The following ATP10D variants were observed in gnomAD, a reference collection of about 807,000 sequenced individuals.
The protein encoded by ATP10D is ATPase phospholipid transporting 10D (putative).
ATP10D carries 89 observed loss-of-function variants against 144.8 expected under a neutral mutation model. The observed-to-expected ratio is 0.61, with a 90% CI of 0.52 to 0.73. The LOEUF (loss-of-function observed/expected upper bound fraction) is 0.73, where lower values mean the gene tolerates loss of function less well. ATP10D is among the 30% of genes least tolerant of loss of function. The pLI, the probability that ATP10D is intolerant of heterozygous loss-of-function variation, is 0.00. For synonymous variants in ATP10D, 571 were observed against 615.1 expected (o/e 0.93, Z 1.06); for missense variants, 1,603 against 1,714.8 (o/e 0.93, Z 1.15).
chr4:47,591,307 A>G lies in ATP10D; in HGVS notation c.4207A>G (p.Thr1403Ala). ...GCAAGGAAACTTATCTCTGTGTGAAACTGCTTTAGATCAAGGCTACTCTGA... is the reference window on the plus strand; with the variant it reads ...GCAAGGAAACTTATCTCTGTGTGAAGCTGCTTTAGATCAAGGCTACTCTGA... ...IEQGNLSLCE[T>A]ALDQGYSETK... Residue 1403 changes from threonine to alanine, a missense_variant, in exon 23 of 23, where the codon ACT (threonine) becomes GCT (alanine). Transcript: ENST00000273859. The G allele has an allele frequency of 8.7e-6, 14 of 1,612,674 alleles. No homozygotes were observed. Among genetic ancestry groups the G allele is most frequent in the Non-Finnish European group, 1.2e-5 (14 of 1,178,734 alleles).
intron 1 of ATP10D, among the ~76,000 whole-genome samples, chr4:47,499,995 C>A (rs1715599603): frequency 6.6e-6 from 1 of 152,156 alleles, no homozygotes; most frequent in Non-Finnish European, 1.5e-5. Flanking sequence ...GAGCTACATA[C>A]CATGAAATGC....
chr4:47,560,970 G>C lies in ATP10D; in HGVS notation c.2563G>C (p.Ala855Pro), dbSNP rs1485783508. ...AKKVMSDTEY[A>P]EWLRNHFLAE... is the part of the protein sequence containing the mutation. ...GTAGGTCATGAGTGACACTGAATAT[G>C]CAGAGTGGCTGAGGAATCATTTTTT... The change falls in exon 14 of 23, where the codon GCA (alanine) becomes CCA (proline). Residue 855 changes from alanine to proline, a missense_variant. Ala to Pro is a conservative substitution (Grantham distance 27, BLOSUM62 -1). Coordinates refer to ENST00000273859, the MANE Select transcript of ATP10D (RefSeq NM_020453.4). The C allele has an allele frequency of 3.1e-6, 5 of 1,614,104 alleles. No individual in the cohort carries two copies. The highest frequency in any genetic ancestry group is 3.4e-6 in the Non-Finnish European group (4 of 1,179,950).
chr4:47,568,249 T>G (rs1340478426), intron 15 of ATP10D, among the ~76,000 whole-genome samples: 1 of 152,212 alleles, frequency 6.6e-6, no homozygotes, highest in African/African-American at 2.4e-5. Context: ...AATTTTCATG[T>G]TTATTGGTGT....
chr4:47,531,575 A>G (rs945221031), intron 5 of ATP10D, among the ~76,000 whole-genome samples: 1 of 152,212 alleles, frequency 6.6e-6, no homozygotes, highest in Non-Finnish European at 1.5e-5. Context: ...TGGGGTTAGT[A>G]TTAGAAAAGT....
Position 47,593,094 on chromosome 4 carries a change from T to C in ATP10D, c.*1713T>C, listed in dbSNP as rs1437375891. 6.6e-6 allele frequency: 1 copy of C among 152,046 alleles called. No individual in the cohort carries two copies. Among genetic ancestry groups the C allele is most frequent in the South Asian group, 2.1e-4 (1 of 4,828 alleles). The allele number at this position is 152,046 out of a possible 1,614,324, so 9.4% of individuals were successfully genotyped here. A position where few individuals can be genotyped will look rare whatever the true frequency, so the allele number is the denominator to read the frequency against. On this transcript the variant is annotated 3_prime_UTR_variant, in exon 23 of 23. Coordinates refer to ENST00000273859, the MANE Select transcript of ATP10D (RefSeq NM_020453.4). ...CGTCGTCTCCTGATAAACAATAATT[T>C]AGAGATATGTTCACTTGTAAATAAA...
At position 47,535,950 on chromosome 4, in the gene ATP10D, G is replaced by T; in HGVS notation, c.932G>T (p.Arg311Leu). Reference sequence around the variant, plus strand: ...AACAACAGTGGGCCACGGTATAAGCGCAGCAAATTAGAAAGAAGAGCAAAC... The same window carrying T: ...AACAACAGTGGGCCACGGTATAAGCTCAGCAAATTAGAAAGAAGAGCAAAC... The part of the protein sequence containing the change: ...MLNNSGPRYK[R>L]SKLERRANTD... Residue 311 changes from arginine (R) to leucine (L), a missense_variant, in exon 7 of 23, where the codon CGC (arginine) becomes CTC (leucine). Transcript: ENST00000273859. The T allele has an allele frequency of 6.2e-7, 1 of 1,612,990 alleles. No individual in the cohort carries two copies. The highest frequency in any genetic ancestry group is 1.1e-5 in the South Asian group (1 of 91,040).
chr4:47,558,219 T>C lies in ATP10D; in HGVS notation c.2380T>C (p.Tyr794His), dbSNP rs756771703. ...CCCTCTTTCCAATCAAGTTGTGGTGTATACGAAAGGCGCTGATTCTGTGAT... is the reference window on the plus strand; with the variant it reads ...CCCTCTTTCCAATCAAGTTGTGGTGCATACGAAAGGCGCTGATTCTGTGAT... ...RHPLSNQVVV[Y>H]TKGADSVIME... is the part of the protein sequence containing the mutation. The change falls in exon 12 of 23, where the codon TAT (tyrosine) becomes CAT (histidine). Residue 794 changes from tyrosine (Y) to histidine (H), a missense_variant. By Grantham distance (83) the Tyr-to-His change is moderately conservative. Transcript: ENST00000273859. The C allele has an allele frequency of 4.3e-6, 7 of 1,614,224 alleles. No homozygotes were observed. The highest frequency in any genetic ancestry group is 2.2e-5 in the East Asian group (1 of 44,882).
intron 3 of ATP10D, among the ~76,000 whole-genome samples, 161 bp from the exon 4 acceptor site, chr4:47,522,851 G>T (rs1360689318): frequency 6.6e-6 from 1 of 152,072 alleles, no homozygotes; most frequent in African/African-American, 2.4e-5. Flanking sequence ...TTACAGGCGT[G>T]AGCCAACTTG....
chr4:47,541,182 A>G (rs891107964), intron 9 of ATP10D, among the ~76,000 whole-genome samples: 20 of 152,338 alleles, frequency 1.3e-4, no homozygotes, highest in African/African-American at 4.8e-4. Context: ...AGAACAGCAA[A>G]TGGCACAAAA....
Position 47,536,843 on chromosome 4 carries a change from A to G in ATP10D, c.1301A>G (p.Tyr434Cys). The G allele has an allele frequency of 6.2e-7, 1 of 1,613,318 alleles. No homozygotes were observed. The highest frequency in any genetic ancestry group is 8.5e-7 in the Non-Finnish European group (1 of 1,179,672). The change falls in exon 9 of 23, where the codon TAC becomes TGC. Residue 434 changes from tyrosine to cysteine, a missense_variant. Physicochemically the swap from Tyr to Cys is radical, Grantham distance 194 (BLOSUM62 -2). Transcript: ENST00000273859. ...NIAEDLGQIQ[Y>C]LFSDKTGTLT... ...GCCGAGGATCTGGGACAGATTCAGT[A>G]CCTCTTTTCCGATAAGACAGGAACC... is the stretch of plus-strand genomic sequence containing the variant.
At chr4:47,584,613 G>C (rs1160041357) in intron 21 of ATP10D, among the ~76,000 whole-genome samples, 1 of 152,162 alleles carries the variant, frequency 6.6e-6, no homozygotes, top group African/African-American at 2.4e-5. Context: ...AGCCAGGATG[G>C]TCTCGATCTC....
chr4:47,529,000 T>C (rs1337262937), intron 5 of ATP10D, among the ~76,000 whole-genome samples: 1 of 151,942 alleles, frequency 6.6e-6, no homozygotes, highest in Non-Finnish European at 1.5e-5. Flanking sequence ...TGTTTTGTAG[T>C]TGTTGATTTG....
chr4:47,565,099 C>T (rs1311271284), intron 15 of ATP10D, among the ~76,000 whole-genome samples: 1 of 152,242 alleles, frequency 6.6e-6, no homozygotes, highest in Non-Finnish European at 1.5e-5. Flanking sequence ...GCTGGGACTA[C>T]AGGCTCCCGA....
rs933002263 is a variant in ATP10D at position 47,485,302 on chromosome 4, C to G, written c.-255C>G. ...AGCCTGGCGGAGACGGGAGGAGGAGCGGAGGGAGAAGTAGGTTGCGAGCTC... is the reference window on the plus strand; with the variant it reads ...AGCCTGGCGGAGACGGGAGGAGGAGGGGAGGGAGAAGTAGGTTGCGAGCTC... On this transcript the variant is annotated 5_prime_UTR_variant, in exon 1 of 23. Transcript: ENST00000273859. 1.3e-5 allele frequency: 2 copies of G among 151,862 alleles called. No homozygotes were observed. Among genetic ancestry groups the G allele is most frequent in the Non-Finnish European group, 2.9e-5 (2 of 68,140 alleles). The allele number at this position is 151,862 out of a possible 1,614,324, so 9.4% of individuals were successfully genotyped here. A position where few individuals can be genotyped will look rare whatever the true frequency, so the allele number is the denominator to read the frequency against.
chr4:47,501,427 A>G (rs1162368865), intron 1 of ATP10D, among the ~76,000 whole-genome samples: 2 of 152,246 alleles, frequency 1.3e-5, no homozygotes, highest in Non-Finnish European at 2.9e-5. Flanking sequence ...AATTTATTTA[A>G]CTTTATTTTT....
At chr4:47,500,654 A>G (rs1018461349) in intron 1 of ATP10D, among the ~76,000 whole-genome samples, 5 of 152,118 alleles carry the variant, frequency 3.3e-5, no homozygotes, top group African/African-American at 7.2e-5. Flanking sequence ...AGTTTAGGGG[A>G]GAGTGCTTGG....
At position 47,506,831 on chromosome 4, in the gene ATP10D, T is replaced by A. The variant is rs372439609; in HGVS notation, c.-37-5673T>A. ...GTCAAAAAAACATGAGACCAGTTGG[T>A]TTATTAGCAGAAAACTCTGAAAAAT... On this transcript the variant is annotated intron_variant, in intron 1 of 22. Coordinates refer to ENST00000273859, the MANE Select transcript of ATP10D (RefSeq NM_020453.4). Among the ~76,000 whole-genome samples, 9 of 152,290 alleles carry A rather than the reference T, an allele frequency of 5.9e-5. No homozygotes were observed. In the East Asian group the frequency reaches 1.5e-3, roughly 26 times the overall value.
intron 15 of ATP10D, among the ~76,000 whole-genome samples, chr4:47,564,582 A>G (rs78302085): frequency 0.025 from 3,750 of 152,274 alleles, 144 homozygotes; most frequent in African/African-American, 0.083. Context: ...CGAGAATATC[A>G]TAAGTTTGAA....
chr4:47,522,951 A>C (rs1457286125), intron 3 of ATP10D, 61 bp from the exon 4 acceptor site: 3 of 1,357,170 alleles, frequency 2.2e-6, no homozygotes, highest in Non-Finnish European at 3.0e-6. Flanking sequence ...TTTTAAAAAA[A>C]ACATTGTATG....
Sources: allele counts gnomAD v4.1 joint callset (sites outside exome capture counted in the v4.1 genomes callset), GRCh38; gene constraint gnomAD v4.1.1; transcripts MANE v1.5; gene names NCBI Gene and HGNC (gene_info 2026-07-23, HGNC 2026-07-21).